Variants in CNTNAP2 observed in about 807,000 individuals in gnomAD.
CNTNAP2 encodes the protein contactin associated protein 2.
CNTNAP2 carries 98 observed loss-of-function variants against 155.2 expected under a neutral mutation model. That is an observed-to-expected ratio of 0.63 (90% CI 0.54 to 0.75). The LOEUF is 0.75. Among genes scored for constraint, CNTNAP2 ranks in the 30% least tolerant of loss-of-function variants. The pLI is 0.00. For synonymous variants in CNTNAP2, 651 were observed against 631.2 expected (o/e 1.03, Z -0.47); for missense variants, 1,727 against 1,688.1 (o/e 1.02, Z -0.40).
intron 18 of CNTNAP2, among the ~76,000 whole-genome samples, chr7:148,180,208 G>C (rs762320903): frequency 6.6e-6 from 1 of 152,160 alleles, no homozygotes; most frequent in Non-Finnish European, 1.5e-5. Flanking sequence ...CACATCAGTA[G>C]GGAGAGAAAC....
intron 21 of CNTNAP2, among the ~76,000 whole-genome samples, chr7:148,362,295 C>T (rs909633909): frequency 6.6e-6 from 1 of 152,130 alleles, no homozygotes. Context: ...TCAATTACGT[C>T]CCCCCAGGTC....
intron 8 of CNTNAP2, among the ~76,000 whole-genome samples, chr7:147,192,393 C>T (rs568706179): frequency 1.2e-4 from 19 of 152,154 alleles, no homozygotes; most frequent in Non-Finnish European, 2.6e-4. Context: ...ACTATACCCT[C>T]TTTCTCCTAA....
chr7:148,305,443 G>A (rs569338841), intron 21 of CNTNAP2, among the ~76,000 whole-genome samples: 1 of 152,178 alleles, frequency 6.6e-6, no homozygotes, highest in South Asian at 2.1e-4. Flanking sequence ...CTACCCCAGA[G>A]CATTCTGGCT....
intron 8 of CNTNAP2, chr7:147,167,368 A>C: frequency 2.0e-6 from 2 of 980,894 alleles, no homozygotes; most frequent in Non-Finnish European, 3.0e-6. Context: ...GTTCAGTACT[A>C]AGACATTTCT....
chr7:147,687,417 T>C (rs112608231), intron 13 of CNTNAP2, among the ~76,000 whole-genome samples: 1,601 of 152,208 alleles, frequency 0.011, 19 homozygotes, highest in African/African-American at 0.036. Flanking sequence ...CTGATTCTTT[T>C]ATTTTCTTAA....
chr7:146,824,061 G>C (rs1803351681), intron 2 of CNTNAP2, among the ~76,000 whole-genome samples: 1 of 151,940 alleles, frequency 6.6e-6, no homozygotes, highest in Admixed American at 6.6e-5. Context: ...GACAGGCCCT[G>C]GTGTGTGATG....
intron 8 of CNTNAP2, among the ~76,000 whole-genome samples, chr7:147,229,327 T>G (rs936166269): frequency 2.6e-5 from 4 of 152,198 alleles, no homozygotes; most frequent in Admixed American, 6.5e-5. Flanking sequence ...TTAACTCAAC[T>G]GTTTCAAAAC....
chr7:148,277,444 G>A (rs1030537321), intron 21 of CNTNAP2, among the ~76,000 whole-genome samples: 3 of 152,054 alleles, frequency 2.0e-5, no homozygotes, highest in East Asian at 1.9e-4. Flanking sequence ...GCAGGTTGTC[G>A]TCAGCTATCA....
intron 1 of CNTNAP2, among the ~76,000 whole-genome samples, chr7:146,581,499 T>C (rs529678903): frequency 3.4e-4 from 52 of 152,022 alleles, no homozygotes; most frequent in Non-Finnish European, 6.5e-4. Context: ...TAACTGCGGA[T>C]AGAATATTGA....
At chr7:146,920,852 T>A (rs1263462640) in intron 3 of CNTNAP2, among the ~76,000 whole-genome samples, 2 of 152,116 alleles carry the variant, frequency 1.3e-5, no homozygotes, top group African/African-American at 4.8e-5. Context: ...TGCATAAAAG[T>A]GACATAAATG....
chr7:147,460,886 AAGCAGTAATTT>A (rs1401204768), intron 10 of CNTNAP2, among the ~76,000 whole-genome samples: 1 of 152,194 alleles, frequency 6.6e-6, no homozygotes, highest in Non-Finnish European at 1.5e-5. Flanking sequence ...TAGGGAAGTC[AAGCAGTAATTT>A]TGATCTTTCT....
chr7:146,710,838 G>A (rs909022865), intron 1 of CNTNAP2, among the ~76,000 whole-genome samples: 4 of 152,020 alleles, frequency 2.6e-5, no homozygotes, highest in African/African-American at 9.7e-5. Flanking sequence ...GATATTTCAA[G>A]ATAAGGGGCT....
At chr7:146,773,734 G>T (rs980087338) in intron 1 of CNTNAP2, among the ~76,000 whole-genome samples, 8 of 152,162 alleles carry the variant, frequency 5.3e-5, no homozygotes, top group African/African-American at 1.9e-4. Flanking sequence ...CATGAGATCT[G>T]CCTTGATAAG....
chr7:147,685,826 G>A (rs1021253900), intron 13 of CNTNAP2, among the ~76,000 whole-genome samples: 7 of 151,950 alleles, frequency 4.6e-5, no homozygotes, highest in African/African-American at 1.4e-4. Flanking sequence ...GGAGATGAGA[G>A]TACAGATATC....
chr7:147,618,708 TACAC>T (rs112885206), intron 12 of CNTNAP2, among the ~76,000 whole-genome samples: 20 of 132,050 alleles, frequency 1.5e-4, no homozygotes, highest in African/African-American at 4.1e-4. Context: ...ACAGCTATTA[TACAC>T]ACACACACAC....
intron 20 of CNTNAP2, among the ~76,000 whole-genome samples, chr7:148,264,528 C>T (rs1322168094): frequency 6.6e-6 from 1 of 152,000 alleles, no homozygotes; most frequent in Non-Finnish European, 1.5e-5. Context: ...GGTTCCATCC[C>T]TTTTTTATTT....
rs1260266298 is a variant in CNTNAP2, at chr7:147,067,920, ATT to A, written c.550+23869_550+23870del. On this transcript the variant is annotated intron_variant, in intron 4 of 23. Transcript: ENST00000361727. ...TTATGCCTTAGAACAGACATTTATT[ATT>A]TTACTGTTTTTGTGGACCAGGTGTC... Among the ~76,000 whole-genome samples, 6 of 152,228 alleles carry A rather than the reference ATT, an allele frequency of 3.9e-5. No individual in the cohort carries two copies. In the East Asian group the frequency reaches 1.2e-3, roughly 29 times the overall value.
rs573367188 is a variant in CNTNAP2 at position 147,158,236 on chromosome 7, C to G, written c.1348+25727C>G. Among the ~76,000 whole-genome samples the G allele has an allele frequency of 3.6e-4, 54 of 152,102 alleles. 1 individual carries two copies. The highest frequency in any genetic ancestry group is 1.2e-3 in the African/African-American group (49 of 41,510). On this transcript the variant is annotated intron_variant, in intron 8 of 23. Transcript: ENST00000361727. The stretch of plus-strand genomic sequence containing the variant: ...TTCAAGTAAATTAAAATTTCATGGA[C>G]CTCTTAAAAACAGACATATGGAAAT...
rs534859042 is a variant in CNTNAP2, at chr7:147,128,861, T to C, written c.1083+25T>C. On this transcript the variant is annotated intron_variant, in intron 7 of 23. Coordinates refer to ENST00000361727, the MANE Select transcript of CNTNAP2 (RefSeq NM_014141.6). ...GGTAAGGATTTTCACCCGCAAAATATTGGTCTATAAAATATCAAGTAACAT... is the reference window on the plus strand; with the variant it reads ...GGTAAGGATTTTCACCCGCAAAATACTGGTCTATAAAATATCAAGTAACAT... The C allele has an allele frequency of 1.7e-4, 274 of 1,613,802 alleles. 3 individuals carry two copies. The South Asian group carries it at 2.7e-3, about 16-fold the overall frequency.
Sources: allele counts gnomAD v4.1 joint callset (sites outside exome capture counted in the v4.1 genomes callset), GRCh38; gene constraint gnomAD v4.1.1; transcripts MANE v1.5; gene names NCBI Gene and HGNC (gene_info 2026-07-23, HGNC 2026-07-21).